The following CREBBP variants were observed in gnomAD, a reference collection of about 807,000 sequenced individuals.
CREBBP encodes the protein CREB binding lysine acetyltransferase.
A neutral mutation model predicts 265.0 loss-of-function variants in CREBBP; 19 were observed. The ratio of observed to expected loss-of-function variants is 0.07; its 90% CI spans 0.05 to 0.11. CREBBP has a LOEUF of 0.11. Ranked by LOEUF, CREBBP falls within the 10% of genes least tolerant of loss-of-function variation. The pLI, the probability that CREBBP is intolerant of heterozygous loss-of-function variation, is 1.00. For missense variants in CREBBP, 2,525 were observed against 3,219.0 expected, an observed-to-expected ratio of 0.78 and a Z score of 5.22; for synonymous variants, 1,457 against 1,223.7, an observed-to-expected ratio of 1.19 and a Z score of -3.98.
chr16:3,795,403 T>C (rs1222702861), intron 3 of CREBBP, among the ~76,000 whole-genome samples: 2 of 152,220 alleles, frequency 1.3e-5, no homozygotes, highest in Non-Finnish European at 2.9e-5. Context: ...TCTATATAAA[T>C]GTTTACGTAT....
At chr16:3,870,958 C>T (rs1484161049) in intron 1 of CREBBP, among the ~76,000 whole-genome samples, 2 of 148,346 alleles carry the variant, frequency 1.3e-5, no homozygotes, top group East Asian at 2.0e-4. Context: ...GAGTTCAAGA[C>T]CAGCTTGGGC....
chr16:3,780,633 CG>C (rs2053251970), intron 8 of CREBBP, 98 bp downstream of exon 8: 3 of 1,318,378 alleles, frequency 2.3e-6, no homozygotes, highest in African/African-American at 2.9e-5. Context: ...TAAATAAGCA[CG>C]TGACTTGTAT....
At chr16:3,856,449 A>G (rs2054966041) in intron 1 of CREBBP, among the ~76,000 whole-genome samples, 1 of 152,162 alleles carries the variant, frequency 6.6e-6, no homozygotes, top group Non-Finnish European at 1.5e-5. Context: ...TTGGAGAGAC[A>G]GGGTTTCGCC....
At chr16:3,762,618 G>A (rs2052749450) in intron 16 of CREBBP, among the ~76,000 whole-genome samples, 1 of 152,022 alleles carries the variant, frequency 6.6e-6, no homozygotes, top group Non-Finnish European at 1.5e-5. Flanking sequence ...CACGCGGCAG[G>A]GCTGTTGCAG....
chr16:3,730,155 C>T (rs1329476024), intron 30 of CREBBP, among the ~76,000 whole-genome samples: 1 of 152,194 alleles, frequency 6.6e-6, no homozygotes, highest in African/African-American at 2.4e-5. Flanking sequence ...GACCTTCACT[C>T]CTGGCAACAG....
chr16:3,735,588 C>A (rs1198394733), intron 28 of CREBBP, among the ~76,000 whole-genome samples: 2 of 152,100 alleles, frequency 1.3e-5, no homozygotes, highest in East Asian at 3.9e-4. Flanking sequence ...AGCCACCGCG[C>A]CTGGCCAGGG....
At chr16:3,853,788 T>A (rs1388947126) in intron 1 of CREBBP, among the ~76,000 whole-genome samples, 1 of 151,482 alleles carries the variant, frequency 6.6e-6, no homozygotes, top group Non-Finnish European at 1.5e-5. Context: ...AACACAAAAA[T>A]GAGCTGGGCG....
chr16:3,772,915 C>CA (rs144154476), intron 13 of CREBBP, among the ~76,000 whole-genome samples: 36,027 of 88,634 alleles, frequency 0.41, 6,830 homozygotes, highest in Middle Eastern at 0.53. Flanking sequence ...ACTAAAAATA[C>CA]AAAAAAAAAA....
chr16:3,781,316 CAGAAA>C lies in CREBBP; in HGVS notation c.1574-15_1574-11del, dbSNP rs761662391. On this transcript the variant is annotated splice_polypyrimidine_tract_variant and intron_variant, in intron 6 of 30. Transcript: ENST00000262367. ...TTCATTGGATTATTTCCTTTAAAGA[CAGAAA>C]AGAAATCAATCAACAGTTAAATTTT... 2.4e-5 allele frequency: 38 copies of C among 1,607,764 alleles called. No individual in the cohort carries two copies. The Admixed American group carries it at 3.2e-4, about 13-fold the overall frequency.
chr16:3,806,098 G>C (rs977970508), intron 3 of CREBBP, among the ~76,000 whole-genome samples: 9 of 152,180 alleles, frequency 5.9e-5, no homozygotes, highest in African/African-American at 2.2e-4. Flanking sequence ...GACAGGTGCT[G>C]AGACACAGCA....
At chr16:3,763,009 C>T (rs1025395011) in intron 16 of CREBBP, among the ~76,000 whole-genome samples, 19 of 151,442 alleles carry the variant, frequency 1.3e-4, no homozygotes, top group Non-Finnish European at 2.5e-4. Flanking sequence ...CTCCCGACCT[C>T]GTGATCCGCC....
intron 1 of CREBBP, among the ~76,000 whole-genome samples, chr16:3,867,136 G>A (rs1473634510): frequency 6.6e-6 from 1 of 152,054 alleles, no homozygotes; most frequent in East Asian, 1.9e-4. Context: ...TATTAAGGTG[G>A]GTAATAAAAA....
chr16:3,842,314 C>T (rs964042559), intron 2 of CREBBP, among the ~76,000 whole-genome samples: 3 of 152,168 alleles, frequency 2.0e-5, no homozygotes, highest in Non-Finnish European at 2.9e-5. Context: ...TTCTGGCTTC[C>T]TTCTGTCATC....
At chr16:3,783,994 TATC>T (rs2053332128) in intron 5 of CREBBP, among the ~76,000 whole-genome samples, 2 of 152,248 alleles carry the variant, frequency 1.3e-5, no homozygotes, top group Admixed American at 6.5e-5. Flanking sequence ...TGTGAAAATT[TATC>T]ATATGGCAGA....
At chr16:3,736,581 GA>G (rs2052067227) in intron 27 of CREBBP, 68 bp downstream of exon 27, 1 of 1,603,646 alleles carries the variant, frequency 6.2e-7, no homozygotes, top group Non-Finnish European at 8.5e-7. Flanking sequence ...GCGAATGCAA[GA>G]AAAAGGCACA....
intron 1 of CREBBP, among the ~76,000 whole-genome samples, chr16:3,852,543 A>G (rs909726044): frequency 6.6e-6 from 1 of 152,220 alleles, no homozygotes; most frequent in African/African-American, 2.4e-5. Context: ...GTGATTTCTT[A>G]AAAGTGTTGA....
rs2107619 is a variant in CREBBP at position 3,875,599 on chromosome 16, G to T, written c.85+4233C>A. On this transcript the variant is annotated intron_variant, in intron 1 of 30. Coordinates refer to ENST00000262367, the MANE Select transcript of CREBBP (RefSeq NM_004380.3). ...GATCTCATTCATGTGCGGGAAGGCC[G>T]CTACTGAAACTCACTAAGCTTGGCA... Among the ~76,000 whole-genome samples the T allele has an allele frequency of 4.6e-5, 7 of 152,188 alleles. 1 individual carries two copies. The South Asian group carries it at 1.0e-3, about 23-fold the overall frequency.
At chr16:3,831,427 G>A (rs1416332780) in intron 2 of CREBBP, among the ~76,000 whole-genome samples, 1 of 152,142 alleles carries the variant, frequency 6.6e-6, no homozygotes, top group Non-Finnish European at 1.5e-5. Flanking sequence ...TAAAAAAGAT[G>A]CATAGGGTTT....
chr16:3,758,149 C>A (rs2151384563), intron 17 of CREBBP, 101 bp from the exon 18 acceptor site: 1 of 1,265,372 alleles, frequency 7.9e-7, no homozygotes, highest in South Asian at 1.3e-5. Context: ...ACAGAAAGCA[C>A]CAAAATAACT....
Sources: gnomAD v4.1 joint callset for allele counts (sites outside exome capture counted in the v4.1 genomes callset) on GRCh38, gnomAD v4.1.1 for gene constraint, MANE v1.5 for transcripts, NCBI Gene and HGNC (gene_info 2026-07-23, HGNC 2026-07-21) for gene names.